ATRNL1: variants seen among roughly 807,000 people sequenced by gnomAD.
ATRNL1 encodes attractin-like protein 1.
ATRNL1 carries 95 observed loss-of-function variants against 182.7 expected under a neutral mutation model. The observed-to-expected ratio is 0.52, with a 90% CI of 0.44 to 0.62. The LOEUF is 0.62. Ranked by LOEUF, ATRNL1 falls within the 20% of genes least tolerant of loss-of-function variation. The pLI, the probability that ATRNL1 is intolerant of heterozygous loss-of-function variation, is 0.00. For missense variants in ATRNL1, 1,471 were observed against 1,679.5 expected (o/e 0.88, Z 2.17); for synonymous variants, 576 against 568.3 (o/e 1.01, Z -0.19).
intron 27 of ATRNL1, among the ~76,000 whole-genome samples, chr10:115,779,489 G>A (rs1302531695): frequency 1.3e-5 from 2 of 152,136 alleles, no homozygotes; most frequent in Admixed American, 6.5e-5. Context: ...TGGATCTTAA[G>A]CCAAACAATA....
At chr10:115,319,223 T>C (rs1854458912) in intron 18 of ATRNL1, among the ~76,000 whole-genome samples, 1 of 152,198 alleles carries the variant, frequency 6.6e-6, no homozygotes, top group Non-Finnish European at 1.5e-5. Context: ...TAATCCCGAG[T>C]TCTAATTTGA....
chr10:115,549,190 A>G (rs1852829841), intron 25 of ATRNL1, among the ~76,000 whole-genome samples: 1 of 152,086 alleles, frequency 6.6e-6, no homozygotes, highest in African/African-American at 2.4e-5. Flanking sequence ...CATAAGACCA[A>G]TGTAATTATA....
chr10:115,763,101 G>GT (rs1378101932), intron 27 of ATRNL1, among the ~76,000 whole-genome samples: 1 of 152,014 alleles, frequency 6.6e-6, no homozygotes, highest in African/African-American at 2.4e-5. Context: ...TTATCAGTGA[G>GT]TTTTTTTGTT....
chr10:115,403,275 T>TTC (rs1485647638), intron 20 of ATRNL1, among the ~76,000 whole-genome samples: 2 of 150,578 alleles, frequency 1.3e-5, no homozygotes, highest in Non-Finnish European at 3.0e-5. Flanking sequence ...TTTTTTTTTT[T>TTC]TAGTCTGCTA....
chr10:115,821,133 A>C (rs900319796), intron 27 of ATRNL1, among the ~76,000 whole-genome samples: 2 of 152,080 alleles, frequency 1.3e-5, no homozygotes, highest in Non-Finnish European at 2.9e-5. Context: ...AGTCAATTAA[A>C]CCTCTTTCCT....
intron 9 of ATRNL1, among the ~76,000 whole-genome samples, chr10:115,220,795 T>G (rs947345246): frequency 6.6e-6 from 1 of 151,040 alleles, no homozygotes; most frequent in Non-Finnish European, 1.5e-5. Context: ...CCTTCAAGCT[T>G]GCTACCAGAT....
chr10:115,693,301 C>T (rs1946450530), intron 26 of ATRNL1, among the ~76,000 whole-genome samples: 1 of 151,826 alleles, frequency 6.6e-6, no homozygotes, highest in Admixed American at 6.6e-5. Context: ...AGGTTGTTAC[C>T]AATAGTCTAA....
chr10:115,229,032 G>A (rs1849818074), intron 9 of ATRNL1, among the ~76,000 whole-genome samples: 1 of 151,950 alleles, frequency 6.6e-6, no homozygotes, highest in South Asian at 2.1e-4. Flanking sequence ...CTCCTGTAGT[G>A]CTGAGATTAC....
At chr10:115,235,530 T>C (rs994498806) in intron 9 of ATRNL1, among the ~76,000 whole-genome samples, 3 of 152,160 alleles carry the variant, frequency 2.0e-5, no homozygotes, top group Admixed American at 6.5e-5. Flanking sequence ...ATTTTTTTTT[T>C]CCAGAGTTCG....
chr10:115,515,369 T>C (rs1362736299), intron 24 of ATRNL1, among the ~76,000 whole-genome samples: 3 of 150,624 alleles, frequency 2.0e-5, no homozygotes, highest in Admixed American at 1.3e-4. Flanking sequence ...TATTTTAATA[T>C]TGGAAGTCAA....
chr10:115,297,364 G>A (rs115257798), intron 15 of ATRNL1, among the ~76,000 whole-genome samples: 1,865 of 152,048 alleles, frequency 0.012, 34 homozygotes, highest in African/African-American at 0.04. Flanking sequence ...ATTACCGTCC[G>A]GGCGTGGTGG....
intron 21 of ATRNL1, among the ~76,000 whole-genome samples, chr10:115,431,178 G>A (rs531298335): frequency 2.0e-5 from 3 of 152,114 alleles, no homozygotes; most frequent in South Asian, 4.1e-4. Context: ...AGGCCGAGGC[G>A]GGCGAATCAC....
chr10:115,253,602 T>G (rs1850977867), intron 10 of ATRNL1, among the ~76,000 whole-genome samples: 1 of 152,160 alleles, frequency 6.6e-6, no homozygotes, highest in East Asian at 1.9e-4. Context: ...GGCAGATTTT[T>G]TTTATTATTA....
At chr10:115,533,379 T>G (rs1190181966) in intron 25 of ATRNL1, among the ~76,000 whole-genome samples, 2 of 151,986 alleles carry the variant, frequency 1.3e-5, no homozygotes, top group Non-Finnish European at 2.9e-5. Flanking sequence ...GATTTTCTAG[T>G]TTATTTGCGT....
chr10:115,288,316 T>C (rs1380143232), intron 15 of ATRNL1, among the ~76,000 whole-genome samples: 4 of 152,166 alleles, frequency 2.6e-5, no homozygotes, highest in Admixed American at 2.6e-4. Flanking sequence ...TTGTTCTCCA[T>C]AGGGGCTGTA....
chr10:115,626,797 G>T (rs1217006232), intron 26 of ATRNL1, among the ~76,000 whole-genome samples: 1 of 152,060 alleles, frequency 6.6e-6, no homozygotes, highest in Non-Finnish European at 1.5e-5. Context: ...TTGTATTATT[G>T]TTGATTTACA....
At chr10:115,809,336 A>C (rs1004041920) in intron 27 of ATRNL1, among the ~76,000 whole-genome samples, 7 of 152,008 alleles carry the variant, frequency 4.6e-5, no homozygotes, top group African/African-American at 1.7e-4. Flanking sequence ...TAAATTTTAG[A>C]ATCAACTTTT....
chr10:115,530,484 A>G (rs1554987919), intron 25 of ATRNL1, among the ~76,000 whole-genome samples: 1 of 152,212 alleles, frequency 6.6e-6, no homozygotes, highest in East Asian at 1.9e-4. Flanking sequence ...AGGAATCTAA[A>G]GAATACAACA....
chr10:115,391,011 A>G (rs1295264150), intron 19 of ATRNL1, among the ~76,000 whole-genome samples: 1 of 152,172 alleles, frequency 6.6e-6, no homozygotes, highest in Non-Finnish European at 1.5e-5. Flanking sequence ...CTTCAACTTT[A>G]CTGAACTTCT....
Sources: gnomAD v4.1 joint callset for allele counts (sites outside exome capture counted in the v4.1 genomes callset) on GRCh38, gnomAD v4.1.1 for gene constraint, MANE v1.5 for transcripts, NCBI Gene and HGNC (gene_info 2026-07-23, HGNC 2026-07-21) for gene names.